The following CDH4 variants were observed in gnomAD, a reference collection of about 807,000 sequenced individuals.
CDH4 encodes the protein cadherin 4, also known as cadherin-4.
CDH4 carries 33 observed loss-of-function variants against 86.0 expected under a neutral mutation model. The ratio of observed to expected loss-of-function variants is 0.38; its 90% CI spans 0.29 to 0.51. The LOEUF is 0.51. CDH4 is among the 20% of genes least tolerant of loss of function. The pLI, the probability that CDH4 is intolerant of heterozygous loss-of-function variation, is 0.86. For synonymous variants in CDH4, 555 were observed against 549.4 expected, an observed-to-expected ratio of 1.01 and a Z score of -0.14; for missense variants, 1,114 against 1,307.4, an observed-to-expected ratio of 0.85 and a Z score of 2.28.
chr20:61,398,145 C>T (rs75540271), intron 2 of CDH4, among the ~76,000 whole-genome samples: 2,865 of 152,288 alleles, frequency 0.019, 90 homozygotes, highest in African/African-American at 0.065. Context: ...AGCATTCAAG[C>T]GTATCAGTCT....
At chr20:61,424,192 T>C (rs536180624) in intron 2 of CDH4, among the ~76,000 whole-genome samples, 4 of 148,930 alleles carry the variant, frequency 2.7e-5, no homozygotes, top group Admixed American at 2.7e-4. Context: ...AGCACACATG[T>C]ATCCACACGC....
intron 4 of CDH4, among the ~76,000 whole-genome samples, chr20:61,778,885 G>A (rs1480000184): frequency 6.6e-6 from 1 of 152,190 alleles, no homozygotes; most frequent in African/African-American, 2.4e-5. Flanking sequence ...GGACAGTTTG[G>A]GCAGTTGCTA....
intron 4 of CDH4, among the ~76,000 whole-genome samples, chr20:61,843,108 C>G (rs1257370328): frequency 2.0e-5 from 3 of 152,120 alleles, no homozygotes; most frequent in African/African-American, 4.8e-5. Flanking sequence ...CGGTAGTTCA[C>G]ACCTGTAATC....
chr20:61,271,331 G>C (rs2084181937), intron 2 of CDH4, among the ~76,000 whole-genome samples: 2 of 152,228 alleles, frequency 1.3e-5, no homozygotes, highest in African/African-American at 4.8e-5. Context: ...TGCTGATCGT[G>C]AGTTAATTTC....
chr20:61,599,758 C>T (rs906509690), intron 2 of CDH4: 8 of 984,118 alleles, frequency 8.1e-6, no homozygotes, highest in African/African-American at 1.7e-5. Flanking sequence ...CTGCCTCTCC[C>T]ACGCACTGGC....
At chr20:61,718,884 A>T (rs1262804860) in intron 2 of CDH4, 1 of 470,910 alleles carries the variant, frequency 2.1e-6, no homozygotes, top group East Asian at 7.0e-5. Context: ...CTGGGGATGG[A>T]ACTCTCTGTC....
At position 61,888,668 on chromosome 20, in the gene CDH4, T is replaced by C. The variant is rs529899108; in HGVS notation, c.1051-6242T>C. ...AGCCAGTCAAGGGTGGCGCCAGCTCTGCTGTTTCCATGATGTCCATCCCAC... is the reference window on the plus strand; with the variant it reads ...AGCCAGTCAAGGGTGGCGCCAGCTCCGCTGTTTCCATGATGTCCATCCCAC... On this transcript the variant is annotated intron_variant, in intron 7 of 15. Transcript: ENST00000614565. Among the ~76,000 whole-genome samples, 9 of 152,376 alleles carry C rather than the reference T, an allele frequency of 5.9e-5. No homozygotes were observed. In the South Asian group the frequency reaches 1.9e-3, roughly 32 times the overall value.
chr20:61,742,353 G>A (rs1369512141), intron 2 of CDH4, among the ~76,000 whole-genome samples: 2 of 152,180 alleles, frequency 1.3e-5, no homozygotes, highest in Non-Finnish European at 2.9e-5. Context: ...CCACAAGTAG[G>A]AGGTGCCATT....
At chr20:61,867,216 G>C (rs2146138331) in intron 6 of CDH4, among the ~76,000 whole-genome samples, 1 of 152,366 alleles carries the variant, frequency 6.6e-6, no homozygotes, top group African/African-American at 2.4e-5. Flanking sequence ...GGCTTTGCCA[G>C]TCCAGGCACT....
intron 2 of CDH4, among the ~76,000 whole-genome samples, chr20:61,693,727 CCAA>C (rs2087685354): frequency 6.6e-6 from 1 of 152,164 alleles, no homozygotes; most frequent in Admixed American, 6.5e-5. Context: ...CACCTAGAGC[CCAA>C]CAACAGGCAG....
chr20:61,580,477 C>T, intron 2 of CDH4, among the ~76,000 whole-genome samples: 1 of 151,380 alleles, frequency 6.6e-6, no homozygotes, highest in Non-Finnish European at 1.5e-5. Flanking sequence ...TAAAATAAAA[C>T]CTCTACTTTA....
At chr20:61,471,873 A>T (rs929435228) in intron 2 of CDH4, among the ~76,000 whole-genome samples, 1 of 152,124 alleles carries the variant, frequency 6.6e-6, no homozygotes, top group Non-Finnish European at 1.5e-5. Flanking sequence ...GATACTTGAT[A>T]TTATTTAAAT....
rs1421066967 is a variant in CDH4 at position 61,923,611 on chromosome 20, A to G, written c.1535A>G (p.Lys512Arg). The change falls in exon 10 of 16, where the codon AAG (lysine) becomes AGG (arginine). Residue 512 changes from lysine to arginine, a missense_variant. Around this residue, in one of 3 missense-constraint regions of CDH4, gnomAD observed 705 missense variants for 914.1 expected, o/e 0.77. Coordinates refer to ENST00000614565, the MANE Select transcript of CDH4 (RefSeq NM_001794.5). The part of the protein sequence containing the change: ...NEAPYFPSNH[K>R]LIRLEEGVPP... ...GCTCCCTACTTCCCCTCAAACCACA[A>G]GCTGATCCGCCTGGAGGAGGGCGTG... The G allele has an allele frequency of 1.2e-6, 2 of 1,614,076 alleles. No homozygotes were observed. The highest frequency in any genetic ancestry group is 4.5e-5 in the East Asian group (2 of 44,872).
intron 2 of CDH4, among the ~76,000 whole-genome samples, chr20:61,489,601 G>A (rs1009703955): frequency 6.6e-6 from 1 of 152,242 alleles, no homozygotes; most frequent in African/African-American, 2.4e-5. Flanking sequence ...CCACAGTCGA[G>A]GATGAGTTGA....
intron 2 of CDH4, among the ~76,000 whole-genome samples, chr20:61,457,503 G>A (rs2085414151): frequency 1.3e-5 from 2 of 152,308 alleles, no homozygotes; most frequent in South Asian, 4.1e-4. Context: ...TAGTGATGGG[G>A]GACAGGTGAC....
chr20:61,565,005 G>C (rs2086253393), intron 2 of CDH4, among the ~76,000 whole-genome samples: 1 of 147,530 alleles, frequency 6.8e-6, no homozygotes, highest in Admixed American at 6.9e-5. Context: ...CTGGTAGACA[G>C]CGGGTACCCA....
chr20:61,843,441 A>G (rs1982269913), intron 4 of CDH4, among the ~76,000 whole-genome samples: 1 of 137,566 alleles, frequency 7.3e-6, no homozygotes. Flanking sequence ...TGGGCGACAG[A>G]GCGAGACTCC....
intron 2 of CDH4, among the ~76,000 whole-genome samples, chr20:61,348,915 TG>T (rs2084694597): frequency 6.6e-6 from 1 of 152,246 alleles, no homozygotes; most frequent in South Asian, 2.1e-4. Context: ...TCGTTTGTTT[TG>T]GGACTACATT....
At chr20:61,425,592 C>T (rs1224092665) in intron 2 of CDH4, among the ~76,000 whole-genome samples, 3 of 152,266 alleles carry the variant, frequency 2.0e-5, no homozygotes, top group Non-Finnish European at 4.4e-5. Context: ...GAGCACATCC[C>T]GCAGGAGGGG....
Sources: allele counts gnomAD v4.1 joint callset (sites outside exome capture counted in the v4.1 genomes callset), GRCh38; gene constraint gnomAD v4.1.1; regional missense constraint gnomAD v4.1.1; transcripts MANE v1.5; gene names NCBI Gene and HGNC (gene_info 2026-07-23, HGNC 2026-07-21).